Variants in STK33 observed in about 807,000 individuals in gnomAD.
STK33 encodes serine/threonine-protein kinase 33.
Under a neutral mutation model 58.0 loss-of-function variants are expected in STK33, and 52 were observed. The observed-to-expected ratio is 0.90, with a 90% CI of 0.72 to 1.13. The LOEUF is 1.13. Among genes scored for constraint, STK33 ranks in the 50% most tolerant of loss-of-function variants. The pLI, the probability that STK33 is intolerant of heterozygous loss-of-function variation, is 0.00. For synonymous variants in STK33, 215 were observed against 200.1 expected (o/e 1.07, Z -0.63); for missense variants, 630 against 604.2 (o/e 1.04, Z -0.45).
chr11:8,366,935 C>T, the STK33 span, among the ~76,000 whole-genome samples: 1,763 of 152,286 alleles, frequency 0.012, 29 homozygotes, highest in Non-Finnish European at 0.018. Context: ...GAGTCTGAGG[C>T]CTTGCACTTG....
intron 14 of STK33, among the ~76,000 whole-genome samples, chr11:8,422,554 A>C (rs1482903893): frequency 6.6e-6 from 1 of 152,128 alleles, no homozygotes; most frequent in Admixed American, 6.6e-5. Flanking sequence ...TAGAACTCTA[A>C]AATTATTTGG....
Position 8,452,847 on chromosome 11 carries a change from G to A in STK33, c.846C>T (p.Ala282=), listed in dbSNP as rs778180936. 1.9e-6 allele frequency: 3 copies of A among 1,613,986 alleles called. No homozygotes were observed. In the South Asian group the frequency reaches 3.3e-5, roughly 18 times the overall value. Residue 282 remains alanine, a synonymous_variant, in exon 11 of 16, where the codon GCC becomes GCT. Coordinates refer to ENST00000687296, the MANE Select transcript of STK33 (RefSeq NM_001352389.2). ...CCATATAGATAGGAGTCCCACATGT[G>A]GCCTGCAGCATGGCTTCACTCCTAC... ...KQSRSEAMLQ[A]TCGTPIYMAP...
intron 11 of STK33, among the ~76,000 whole-genome samples, chr11:8,444,402 GT>G (rs1443791864): frequency 2.0e-5 from 3 of 151,910 alleles, no homozygotes; most frequent in African/African-American, 7.2e-5. Flanking sequence ...CTTGTTTAAT[GT>G]TTGTGCCACA....
At chr11:8,365,213 G>T in the STK33 span, among the ~76,000 whole-genome samples, 2 of 152,232 alleles carry the variant, frequency 1.3e-5, no homozygotes, top group Non-Finnish European at 2.9e-5. Flanking sequence ...TTGAGGTGCA[G>T]TTGCTCCCCA....
chr11:8,371,454 G>A, the STK33 span, among the ~76,000 whole-genome samples: 147 of 152,258 alleles, frequency 9.7e-4, no homozygotes, highest in African/African-American at 3.3e-3. Flanking sequence ...ACCTTGATTT[G>A]GACTTCTGGC....
At chr11:8,542,572 A>C (rs989604380) in intron 1 of STK33, among the ~76,000 whole-genome samples, 2 of 152,186 alleles carry the variant, frequency 1.3e-5, no homozygotes, top group Non-Finnish European at 2.9e-5. Context: ...GCTGCACCAC[A>C]AGAAAGAATT....
chr11:8,402,657 T>C (rs1486483168), intron 15 of STK33, among the ~76,000 whole-genome samples: 6 of 152,160 alleles, frequency 3.9e-5, no homozygotes, highest in African/African-American at 1.4e-4. Context: ...ATATCTTTCA[T>C]TGAAACCATT....
intron 12 of STK33, among the ~76,000 whole-genome samples, 176 bp from the exon 13 acceptor site, chr11:8,436,315 T>C (rs1384600816): frequency 6.6e-6 from 1 of 152,162 alleles, no homozygotes; most frequent in African/African-American, 2.4e-5. Context: ...CCAAGATCAG[T>C]GCTAGGCTCT....
chr11:8,341,416 T>C, the STK33 span, among the ~76,000 whole-genome samples: 7 of 152,182 alleles, frequency 4.6e-5, no homozygotes, highest in African/African-American at 1.7e-4. Context: ...ACCACTCTCA[T>C]TGACTCCCTG....
the STK33 span, among the ~76,000 whole-genome samples, chr11:8,348,471 G>A: frequency 6.6e-6 from 1 of 152,250 alleles, no homozygotes; most frequent in East Asian, 1.9e-4. Context: ...TCACTATCAG[G>A]AGAACAGCAG....
chr11:8,586,749 G>A (rs1045048951), intron 1 of STK33, among the ~76,000 whole-genome samples: 4 of 148,060 alleles, frequency 2.7e-5, no homozygotes, highest in Non-Finnish European at 4.4e-5. Context: ...ACTTGAATCC[G>A]GGAGGTGGAG....
intron 14 of STK33, among the ~76,000 whole-genome samples, chr11:8,419,516 G>A (rs917877138): frequency 6.6e-6 from 1 of 152,142 alleles, no homozygotes; most frequent in African/African-American, 2.4e-5. Flanking sequence ...TGGGTAGCAT[G>A]ATGCCTCCAG....
rs752139102 is a variant in STK33, at chr11:8,562,093, T to C, written c.-466+31990A>G. 1.2e-3 allele frequency among the ~76,000 whole-genome samples: 178 copies of C among 152,220 alleles called. 1 individual carries two copies. The highest frequency in any genetic ancestry group is 1.3e-3 in the Non-Finnish European group (91 of 68,030). ...ATTCTATGTTCCCCTTCAATTTCTT[T>C]AAGTGAATACAGATGTATTTTTCAA... is the stretch of plus-strand genomic sequence containing the variant. On this transcript the variant is annotated intron_variant, in intron 1 of 15. Transcript: ENST00000687296.
intron 1 of STK33, among the ~76,000 whole-genome samples, chr11:8,566,746 A>C (rs573604777): frequency 1.3e-5 from 2 of 152,240 alleles, no homozygotes; most frequent in East Asian, 3.8e-4. Flanking sequence ...GAAATTTTGC[A>C]CTAAGAAAGC....
chr11:8,484,316 T>C (rs1416893682), intron 1 of STK33, among the ~76,000 whole-genome samples: 2 of 152,212 alleles, frequency 1.3e-5, no homozygotes, highest in Non-Finnish European at 2.9e-5. Flanking sequence ...ATTACTGTTG[T>C]GCAACTGTCA....
At chr11:8,500,049 C>A (rs1469226504) in intron 1 of STK33, among the ~76,000 whole-genome samples, 1 of 151,934 alleles carries the variant, frequency 6.6e-6, no homozygotes, top group African/African-American at 2.4e-5. Context: ...TGCACATGTA[C>A]CCCAGAACTT....
intron 11 of STK33, among the ~76,000 whole-genome samples, chr11:8,450,802 G>A (rs905870356): frequency 6.6e-6 from 1 of 152,036 alleles, no homozygotes; most frequent in Non-Finnish European, 1.5e-5. Context: ...AAATGTGCAA[G>A]GATGGTTCAA....
chr11:8,377,953 G>A, the STK33 span, among the ~76,000 whole-genome samples: 1 of 152,126 alleles, frequency 6.6e-6, no homozygotes, highest in Non-Finnish European at 1.5e-5. Flanking sequence ...GAAACCATAG[G>A]TGACACAAAC....
the STK33 span, among the ~76,000 whole-genome samples, chr11:8,337,658 C>T: frequency 1.3e-5 from 2 of 151,324 alleles, no homozygotes; most frequent in Admixed American, 1.3e-4. Context: ...GGGGGGGGCC[C>T]TGCCCTCAGC....
Sources: gnomAD v4.1 joint callset for allele counts (sites outside exome capture counted in the v4.1 genomes callset) on GRCh38, gnomAD v4.1.1 for gene constraint, MANE v1.5 for transcripts, NCBI Gene and HGNC (gene_info 2026-07-23, HGNC 2026-07-21) for gene names.